Variants in COL6A5 observed in about 807,000 individuals in gnomAD.
The protein encoded by COL6A5 is collagen type VI alpha 5 chain.
COL6A5 carries 48 observed loss-of-function variants against 65.6 expected under a neutral mutation model. The ratio of observed to expected loss-of-function variants is 0.73; its 90% CI spans 0.58 to 0.93. The LOEUF is 0.93. COL6A5 is among the 40% of genes least tolerant of loss of function. The probability of loss-of-function intolerance (pLI) is 0.00; values close to 1 mark genes in which losing one functional copy is unlikely to be tolerated. For missense variants in COL6A5, 914 were observed against 928.3 expected (o/e 0.98, Z 0.20); for synonymous variants, 291 against 322.8 (o/e 0.90, Z 1.05).
At chr3:130,386,370 C>CAGAA (rs1212320145) in intron 5 of COL6A5, among the ~76,000 whole-genome samples, 2 of 151,958 alleles carry the variant, frequency 1.3e-5, no homozygotes, top group Non-Finnish European at 2.9e-5. Context: ...TTAGCTGTTG[C>CAGAA]AGAAGGTGGC....
chr3:130,375,479 G>A (rs191261723), intron 2 of COL6A5, among the ~76,000 whole-genome samples: 73 of 151,892 alleles, frequency 4.8e-4, no homozygotes, highest in Admixed American at 3.3e-4. Context: ...CTTACATTGC[G>A]CGCCCTCAAT....
intron 20 of COL6A5, 85 bp downstream of exon 20, chr3:130,410,609 G>C: frequency 8.6e-7 from 1 of 1,156,990 alleles, no homozygotes; most frequent in Non-Finnish European, 1.3e-6. Context: ...TGCACAGTTG[G>C]CTGATTCAGG....
intron 1 of COL6A5, among the ~76,000 whole-genome samples, chr3:130,432,547 C>CAA (rs112983846): frequency 8.5e-5 from 11 of 129,186 alleles, no homozygotes; most frequent in African/African-American, 2.9e-4. Context: ...AAGACTCTGT[C>CAA]AAAAAAAAAA....
intron 1 of COL6A5, among the ~76,000 whole-genome samples, chr3:130,436,085 A>C (rs1257178413): frequency 1.3e-5 from 2 of 152,120 alleles, no homozygotes; most frequent in Non-Finnish European, 2.9e-5. Flanking sequence ...AATTTTTAAA[A>C]AAGTATTAGC....
chr3:130,472,439 G>A (rs1709974731), intron 7 of COL6A5, among the ~76,000 whole-genome samples: 1 of 152,024 alleles, frequency 6.6e-6, no homozygotes, highest in African/African-American at 2.4e-5. Flanking sequence ...TAGGCTGGGT[G>A]GAGAAATGGA....
At chr3:130,433,363 C>T (rs113010752) in intron 1 of COL6A5, among the ~76,000 whole-genome samples, 4,672 of 152,236 alleles carry the variant, frequency 0.031, 105 homozygotes, top group Middle Eastern at 0.058. Context: ...CCCTCAGAAT[C>T]CCCAATGAGA....
chr3:130,409,257 A>G lies in COL6A5; in HGVS notation c.4480-69A>G, dbSNP rs960500859. 8.9e-6 allele frequency: 11 copies of G among 1,240,612 alleles called. No homozygotes were observed. In the Admixed American group the frequency reaches 1.4e-4, roughly 16 times the overall value. 76.9% of individuals were successfully genotyped at this position (1,240,612 alleles called of 1,614,324 possible). A position where few individuals can be genotyped will look rare whatever the true frequency, so the allele number is the denominator to read the frequency against. On this transcript the variant is annotated intron_variant and NMD_transcript_variant, in intron 17 of 41. Transcript: ENST00000312481. ...TCTGATTAACCCCCCTACATACAAAACTTCACACTTAACACCATTATACAA... is the reference window on the plus strand; with the variant it reads ...TCTGATTAACCCCCCTACATACAAAGCTTCACACTTAACACCATTATACAA...
upstream of COL6A5, among the ~76,000 whole-genome samples, chr3:130,429,844 G>A (rs1275255192): frequency 1.3e-5 from 2 of 152,176 alleles, no homozygotes; most frequent in Non-Finnish European, 2.9e-5. Context: ...CTGTGCTGCT[G>A]GGGGATTCAG....
Position 130,424,541 on chromosome 3 carries a change from G to A in COL6A5, c.5163+641G>A, listed in dbSNP as rs143333868. Among the ~76,000 whole-genome samples, 145 of 152,166 alleles carry A rather than the reference G, an allele frequency of 9.5e-4. 2 individuals are homozygous for A. Among genetic ancestry groups the A allele is most frequent in the African/African-American group, 3.2e-3 (132 of 41,532 alleles). Reference sequence around the variant, plus strand: ...AATATTGCGAGCACCTGTGTTTTGTGGTGGAGACCCAGGCAGCATTGTGTA... The same window carrying A: ...AATATTGCGAGCACCTGTGTTTTGTAGTGGAGACCCAGGCAGCATTGTGTA... On this transcript the variant is annotated intron_variant and NMD_transcript_variant, in intron 29 of 41. Transcript: ENST00000312481.
intron 7 of COL6A5, chr3:130,477,390 C>A: frequency 4.3e-6 from 1 of 234,442 alleles, no homozygotes; most frequent in Non-Finnish European, 8.2e-6. Context: ...AGAGATTGAA[C>A]TTTTCTTTTC....
exon 6 of COL6A5, chr3:130,389,112 C>A: frequency 6.9e-7 from 1 of 1,440,982 alleles, no homozygotes; most frequent in Non-Finnish European, 9.1e-7. Context: ...GGAAACTTAT[C>A]TTTCGTGTGT....
In COL6A5 at chr3:130,455,551, AG is replaced by A; in HGVS notation, c.1430del (p.Asp478ThrfsTer20). 1 of 1,612,906 alleles carries A rather than the reference AG, an allele frequency of 6.2e-7. No individual in the cohort carries two copies. Among genetic ancestry groups the A allele is most frequent in the African/African-American group, 1.3e-5 (1 of 75,004 alleles). ...GAGAATCACCTTTTGTAAAGACGGA[AG>A]ACAATGGAAGTGACTATTTGGTTTA... On this transcript the variant is annotated frameshift_variant, in exon 5 of 8. Coordinates refer to ENST00000512836, the Ensembl canonical transcript of COL6A5. LOFTEE classifies it high-confidence loss of function.
intron 4 of COL6A5, among the ~76,000 whole-genome samples, chr3:130,448,005 A>G (rs1242940287): frequency 6.6e-6 from 1 of 152,202 alleles, no homozygotes; most frequent in Non-Finnish European, 1.5e-5. Flanking sequence ...AATTTGCCAC[A>G]GTACGGAATG....
intron 1 of COL6A5, among the ~76,000 whole-genome samples, chr3:130,351,053 G>T (rs1189876439): frequency 2.6e-5 from 4 of 152,154 alleles, no homozygotes; most frequent in Non-Finnish European, 5.9e-5. Context: ...ACAAAAGCAA[G>T]AAATGGGGAA....
At chr3:130,461,450 A>C (rs1709699448) in intron 5 of COL6A5, among the ~76,000 whole-genome samples, 1 of 152,130 alleles carries the variant, frequency 6.6e-6, no homozygotes, top group Non-Finnish European at 1.5e-5. Context: ...AATCTTTATT[A>C]AATTAAATCT....
upstream of COL6A5, among the ~76,000 whole-genome samples, chr3:130,429,881 G>A (rs564048483): frequency 1.2e-4 from 18 of 152,260 alleles, no homozygotes; most frequent in Middle Eastern, 3.4e-3. Flanking sequence ...ACTAATCCAC[G>A]TTCTGTTGCT....
chr3:130,478,572 T>G (rs1710155365), intron 7 of COL6A5, among the ~76,000 whole-genome samples: 1 of 152,060 alleles, frequency 6.6e-6, no homozygotes, highest in Admixed American at 6.6e-5. Context: ...CTGCATCCCC[T>G]TTTAAAAACA....
intron 4 of COL6A5, among the ~76,000 whole-genome samples, chr3:130,447,654 AAT>A (rs1709339893): frequency 6.6e-6 from 1 of 152,192 alleles, no homozygotes; most frequent in Non-Finnish European, 1.5e-5. Flanking sequence ...CAGAATTATC[AAT>A]ATGTTTGATA....
chr3:130,398,213 CT>C, intron 10 of COL6A5, 102 bp downstream of exon 10: 6 of 769,430 alleles, frequency 7.8e-6, no homozygotes, highest in Non-Finnish European at 1.3e-5. Flanking sequence ...TCACTGCAAG[CT>C]CCACCTTCTG....
Sources: gnomAD v4.1 joint callset for allele counts (sites outside exome capture counted in the v4.1 genomes callset) on GRCh38, gnomAD v4.1.1 for gene constraint, MANE v1.5 for transcripts, NCBI Gene and HGNC (gene_info 2026-07-23, HGNC 2026-07-21) for gene names.